CTTNBP2: variants seen among roughly 807,000 people sequenced by gnomAD.
The protein encoded by CTTNBP2 is cortactin-binding protein 2.
CTTNBP2 carries 108 observed loss-of-function variants against 156.9 expected under a neutral mutation model. The observed-to-expected ratio is 0.69, with a 90% CI of 0.59 to 0.81. CTTNBP2 has a LOEUF of 0.81. Among genes scored for constraint, CTTNBP2 ranks in the 30% least tolerant of loss-of-function variants. The pLI, the probability that CTTNBP2 is intolerant of heterozygous loss-of-function variation, is 0.00. For missense variants in CTTNBP2, 1,924 were observed against 2,035.4 expected (o/e 0.95, Z 1.05); for synonymous variants, 767 against 751.8 (o/e 1.02, Z -0.33).
chr7:117,724,528 G>T lies in CTTNBP2; in HGVS notation c.4447+19C>A. 6.3e-7 allele frequency: 1 copy of T among 1,589,082 alleles called. No homozygotes were observed. Among genetic ancestry groups the T allele is most frequent in the Non-Finnish European group, 8.6e-7 (1 of 1,168,306 alleles). On this transcript the variant is annotated intron_variant, in intron 19 of 22. Transcript: ENST00000160373. ...ATGTCCACCTCCTGGTAGGCAACAT[G>T]CCTACCCCCGCCCTTTACCTTCAGT... is the stretch of plus-strand genomic sequence containing the variant.
chr7:117,723,310 T>C (rs953093231), intron 19 of CTTNBP2, among the ~76,000 whole-genome samples: 2 of 151,874 alleles, frequency 1.3e-5, no homozygotes, highest in African/African-American at 4.9e-5. Context: ...AAACATTAAA[T>C]TTTTATTAAA....
intron 2 of CTTNBP2, among the ~76,000 whole-genome samples, chr7:117,851,888 G>A (rs1802951359): frequency 6.6e-6 from 1 of 152,138 alleles, no homozygotes; most frequent in African/African-American, 2.4e-5. Flanking sequence ...TATGAAAAAT[G>A]TATTCCCAGG....
At position 117,756,544 on chromosome 7, in the gene CTTNBP2, T is replaced by C; in HGVS notation, c.3348+11A>G. The C allele has an allele frequency of 6.2e-7, 1 of 1,604,828 alleles. No homozygotes were observed. Among genetic ancestry groups the C allele is most frequent in the Non-Finnish European group, 8.5e-7 (1 of 1,171,584 alleles). ...GAAAACACAGGTCTCCACCCAGCAGTGTCCACCTACCAGCCTGAGGTAGTT... is the reference window on the plus strand; with the variant it reads ...GAAAACACAGGTCTCCACCCAGCAGCGTCCACCTACCAGCCTGAGGTAGTT... On this transcript the variant is annotated intron_variant, in intron 12 of 22. Coordinates refer to ENST00000160373, the MANE Select transcript of CTTNBP2 (RefSeq NM_033427.3).
At chr7:117,858,994 G>C (rs1300258231) in intron 2 of CTTNBP2, among the ~76,000 whole-genome samples, 1 of 152,040 alleles carries the variant, frequency 6.6e-6, no homozygotes, top group Non-Finnish European at 1.5e-5. Context: ...GGTTCAAATA[G>C]ACACGTGTTT....
intron 19 of CTTNBP2, 107 bp downstream of exon 19, chr7:117,724,440 T>C: frequency 1.0e-6 from 1 of 965,540 alleles, no homozygotes; most frequent in Non-Finnish European, 1.5e-6. Flanking sequence ...ACTTAAACTT[T>C]GTTTTACCAA....
At position 117,728,137 on chromosome 7, in the gene CTTNBP2, T is replaced by C. The variant is rs372987038; in HGVS notation, c.4007A>G (p.Tyr1336Cys). ...AGGAACTACAGGACAAGACAGGAAA[T>C]ATTTTGGTCCAAGAAGTGCTTCAGG... Reference protein sequence around the residue: ...GTPEALLGPKYFLSCPVVPGH... With the variant: ...GTPEALLGPKCFLSCPVVPGH... The change falls in exon 17 of 23, where the codon TAT (tyrosine) becomes TGT (cysteine). Residue 1336 changes from tyrosine to cysteine, a missense_variant. Transcript: ENST00000160373. The C allele has an allele frequency of 2.9e-5, 46 of 1,614,014 alleles. No homozygotes were observed. In the African/African-American group the frequency reaches 5.2e-4, roughly 18 times the overall value.
chr7:117,851,978 A>G (rs1802957175), intron 2 of CTTNBP2, among the ~76,000 whole-genome samples: 1 of 152,208 alleles, frequency 6.6e-6, no homozygotes, highest in South Asian at 2.1e-4. Context: ...GTTTGTCTTA[A>G]AAAGTCTAAT....
At chr7:117,733,662 T>C (rs1795525108) in intron 16 of CTTNBP2, among the ~76,000 whole-genome samples, 1 of 152,202 alleles carries the variant, frequency 6.6e-6, no homozygotes. Context: ...GATTTAAATA[T>C]AACATGGGGT....
At chr7:117,725,895 G>C (rs1165603810) in intron 17 of CTTNBP2, among the ~76,000 whole-genome samples, 1 of 152,118 alleles carries the variant, frequency 6.6e-6, no homozygotes, top group African/African-American at 2.4e-5. Flanking sequence ...CATCATGTTG[G>C]CCAGGCTGGT....
chr7:117,760,732 T>A (rs1797163013), intron 9 of CTTNBP2, 22 bp from the exon 10 acceptor site: 2 of 1,548,474 alleles, frequency 1.3e-6, no homozygotes, highest in Admixed American at 1.8e-5. Context: ...GTAAAAGAAT[T>A]AGGAGTTAAA....
chr7:117,872,044 C>A, intron 1 of CTTNBP2: 2 of 845,920 alleles, frequency 2.4e-6, no homozygotes, highest in African/African-American at 1.8e-5. Context: ...TCTTAAAGTT[C>A]TCATTTTCTA....
chr7:117,862,406 G>A (rs1467771529), intron 1 of CTTNBP2, among the ~76,000 whole-genome samples: 1 of 152,128 alleles, frequency 6.6e-6, no homozygotes, highest in Non-Finnish European at 1.5e-5. Flanking sequence ...CTGAGTGACT[G>A]CATCCAACCT....
At chr7:117,827,110 C>T (rs1273448606) in intron 2 of CTTNBP2, among the ~76,000 whole-genome samples, 1 of 152,156 alleles carries the variant, frequency 6.6e-6, no homozygotes, top group Non-Finnish European at 1.5e-5. Flanking sequence ...CTGCCTGCCT[C>T]AGCCTCCCAA....
At chr7:117,781,648 G>C (rs988512062) in intron 6 of CTTNBP2, among the ~76,000 whole-genome samples, 1 of 152,196 alleles carries the variant, frequency 6.6e-6, no homozygotes, top group Non-Finnish European at 1.5e-5. Flanking sequence ...CGAGGCAGGG[G>C]TATCGCTTAG....
chr7:117,765,633 C>T (rs1303365115), intron 9 of CTTNBP2, among the ~76,000 whole-genome samples: 2 of 152,130 alleles, frequency 1.3e-5, no homozygotes, highest in Non-Finnish European at 2.9e-5. Flanking sequence ...TTCATAAAGT[C>T]CTCCTTAATC....
chr7:117,809,103 C>T (rs1044182743), intron 3 of CTTNBP2, among the ~76,000 whole-genome samples: 1 of 151,942 alleles, frequency 6.6e-6, no homozygotes, highest in Non-Finnish European at 1.5e-5. Flanking sequence ...TCTCAGGACC[C>T]ATAGGACAGA....
chr7:117,747,784 G>GA (rs1234944083), intron 12 of CTTNBP2, among the ~76,000 whole-genome samples: 1 of 152,016 alleles, frequency 6.6e-6, no homozygotes, highest in African/African-American at 2.4e-5. Flanking sequence ...AGGTTAAAAA[G>GA]AAAAAAGACA....
intron 2 of CTTNBP2, among the ~76,000 whole-genome samples, chr7:117,860,729 T>C (rs533477889): frequency 6.6e-6 from 1 of 152,280 alleles, no homozygotes; most frequent in Admixed American, 6.5e-5. Flanking sequence ...AAATTAACAC[T>C]TTGAAGGTAT....
At chr7:117,803,493 C>CA (rs1799749568) in intron 3 of CTTNBP2, among the ~76,000 whole-genome samples, 5 of 152,110 alleles carry the variant, frequency 3.3e-5, no homozygotes, top group Admixed American at 3.3e-4. Flanking sequence ...TACGATATGC[C>CA]AATGTGAACC....
Sources: gnomAD v4.1 joint callset for allele counts (sites outside exome capture counted in the v4.1 genomes callset) on GRCh38, gnomAD v4.1.1 for gene constraint, MANE v1.5 for transcripts, NCBI Gene and HGNC (gene_info 2026-07-23, HGNC 2026-07-21) for gene names.